Variants in SUCLG2 observed in about 807,000 individuals in gnomAD.
SUCLG2 encodes the protein succinate--CoA ligase [GDP-forming] subunit beta, mitochondrial.
A neutral mutation model predicts 47.9 loss-of-function variants in SUCLG2; 42 were observed. The ratio of observed to expected loss-of-function variants is 0.88; its 90% CI spans 0.69 to 1.14. SUCLG2 has a LOEUF of 1.14. SUCLG2 is among the 50% of genes most tolerant of loss of function. The probability of loss-of-function intolerance (pLI) is 0.00; values close to 1 mark genes in which losing one functional copy is unlikely to be tolerated. For missense variants in SUCLG2, 571 were observed against 525.9 expected, an observed-to-expected ratio of 1.09 and a Z score of -0.84; for synonymous variants, 195 against 197.3, an observed-to-expected ratio of 0.99 and a Z score of 0.10.
At chr3:67,585,329 TC>T (rs1344336521) in intron 2 of SUCLG2, among the ~76,000 whole-genome samples, 1 of 152,036 alleles carries the variant, frequency 6.6e-6, no homozygotes, top group Non-Finnish European at 1.5e-5. Context: ...GCTCCAACTC[TC>T]TCTTAAATTA....
intron 9 of SUCLG2, among the ~76,000 whole-genome samples, chr3:67,466,685 C>T (rs186457148): frequency 6.6e-6 from 1 of 152,318 alleles, no homozygotes; most frequent in East Asian, 1.9e-4. Flanking sequence ...GGGTCTTGTT[C>T]TCCCTTTTCT....
intron 9 of SUCLG2, among the ~76,000 whole-genome samples, chr3:67,452,032 C>T (rs955207832): frequency 6.6e-6 from 1 of 152,072 alleles, no homozygotes; most frequent in East Asian, 1.9e-4. Flanking sequence ...TGTCAACTCC[C>T]TAGAATCATC....
At chr3:67,524,918 A>G (rs1706213964) in intron 4 of SUCLG2, among the ~76,000 whole-genome samples, 1 of 152,168 alleles carries the variant, frequency 6.6e-6, no homozygotes, top group Admixed American at 6.5e-5. Flanking sequence ...AGACAAATAA[A>G]TCTCCAGGCT....
intron 9 of SUCLG2, among the ~76,000 whole-genome samples, chr3:67,429,808 T>G (rs1703428669): frequency 6.6e-6 from 1 of 152,128 alleles, no homozygotes; most frequent in African/African-American, 2.4e-5. Context: ...TCCTAGTTTC[T>G]GATAAAACAG....
At chr3:67,403,495 G>A (rs952664182) in intron 9 of SUCLG2, among the ~76,000 whole-genome samples, 1 of 151,750 alleles carries the variant, frequency 6.6e-6, no homozygotes, top group Admixed American at 6.6e-5. Flanking sequence ...TTAAGTTTTG[G>A]GATATGGAGA....
chr3:67,547,825 A>AG (rs762146243), intron 2 of SUCLG2, among the ~76,000 whole-genome samples: 43 of 152,274 alleles, frequency 2.8e-4, no homozygotes, highest in Non-Finnish European at 5.7e-4. Context: ...TGCTACAGCA[A>AG]GGGGGATCCA....
chr3:67,387,044 T>C (rs147648678), intron 10 of SUCLG2, among the ~76,000 whole-genome samples: 416 of 152,310 alleles, frequency 2.7e-3, no homozygotes, highest in African/African-American at 9.4e-3. Context: ...TGAGACTGTC[T>C]GCCTCACATG....
chr3:67,603,428 G>C (rs1708463929), intron 2 of SUCLG2, among the ~76,000 whole-genome samples: 1 of 152,146 alleles, frequency 6.6e-6, no homozygotes, highest in Non-Finnish European at 1.5e-5. Context: ...CAGGCTTTAG[G>C]ATGTGATTAC....
intron 2 of SUCLG2, among the ~76,000 whole-genome samples, chr3:67,549,081 T>C (rs1706942160): frequency 6.6e-6 from 1 of 152,222 alleles, no homozygotes; most frequent in South Asian, 2.1e-4. Context: ...GTAATGATGT[T>C]GTGTAAGCTC....
At chr3:67,366,777 C>CT (rs1701882215) in intron 10 of SUCLG2, among the ~76,000 whole-genome samples, 1 of 152,118 alleles carries the variant, frequency 6.6e-6, no homozygotes, top group Admixed American at 6.6e-5. Context: ...CTGGAACATG[C>CT]TTTTTTGTAT....
chr3:67,412,395 TAAAC>T (rs1702948865), intron 9 of SUCLG2, among the ~76,000 whole-genome samples: 1 of 152,188 alleles, frequency 6.6e-6, no homozygotes, highest in African/African-American at 2.4e-5. Flanking sequence ...AGGCACATGT[TAAAC>T]AGACTATGAA....
rs995326749 is a variant in SUCLG2 at position 67,435,958 on chromosome 3, C to T, written c.1063-35107G>A. Among the ~76,000 whole-genome samples the T allele has an allele frequency of 3.9e-5, 6 of 152,106 alleles. No homozygotes were observed. In the East Asian group the frequency reaches 5.8e-4, roughly 15 times the overall value. On this transcript the variant is annotated intron_variant, in intron 9 of 10. Transcript: ENST00000307227. Reference sequence around the variant, plus strand: ...TGTGAGGAATAGTGTCTCCCAAAAGCGGTCCTGAAATTGTATTTGCTATCC... The same window carrying T: ...TGTGAGGAATAGTGTCTCCCAAAAGTGGTCCTGAAATTGTATTTGCTATCC...
At chr3:67,401,550 A>T (rs1396328048) in intron 9 of SUCLG2, among the ~76,000 whole-genome samples, 19 of 148,592 alleles carry the variant, frequency 1.3e-4, no homozygotes, top group Non-Finnish European at 2.5e-4. Flanking sequence ...GTTTGTACAT[A>T]TTCCATATTC....
intron 9 of SUCLG2, among the ~76,000 whole-genome samples, chr3:67,413,998 C>CA (rs781168344): frequency 1.3e-5 from 2 of 151,824 alleles, no homozygotes; most frequent in Non-Finnish European, 2.9e-5. Context: ...TGTGTCCTAT[C>CA]AAAAAAAAGC....
chr3:67,468,635 A>G (rs1704532429), intron 9 of SUCLG2, among the ~76,000 whole-genome samples: 2 of 152,192 alleles, frequency 1.3e-5, no homozygotes, highest in South Asian at 4.1e-4. Context: ...GATGCCAGGC[A>G]TATGAGGAAG....
In SUCLG2 at chr3:67,495,793, G is replaced by A. The variant is rs376098444; in HGVS notation, c.1062+5C>T. 6.8e-6 allele frequency: 11 copies of A among 1,613,238 alleles called. No individual in the cohort carries two copies. The African/African-American group carries it at 9.3e-5, about 14-fold the overall frequency. ...ATATAATCTCCCTACAAAGAGAAAG[G>A]TTACCTTAGGATCAGCTGTGAGCAA... On this transcript the variant is annotated splice_donor_5th_base_variant and intron_variant, in intron 9 of 10. Transcript: ENST00000307227.
At chr3:67,366,132 A>C (rs1466246767) in intron 10 of SUCLG2, among the ~76,000 whole-genome samples, 1 of 152,132 alleles carries the variant, frequency 6.6e-6, no homozygotes, top group Non-Finnish European at 1.5e-5. Context: ...TATGGGAAAA[A>C]TCTTGTTAAC....
At position 67,386,505 on chromosome 3, in the gene SUCLG2, A is replaced by T. The variant is rs902137832; in HGVS notation, c.1184-10646T>A. ...ATATCCAACACTGGGTAATTGATAA[A>T]GGAAAGGGGTTTAATTGACTCAAAG... On this transcript the variant is annotated intron_variant, in intron 10 of 10. Coordinates refer to ENST00000307227, the MANE Select transcript of SUCLG2 (RefSeq NM_003848.4). 2.0e-5 allele frequency among the ~76,000 whole-genome samples: 3 copies of T among 152,336 alleles called. No individual in the cohort carries two copies. The South Asian group carries it at 6.2e-4, about 32-fold the overall frequency.
chr3:67,640,811 C>G (rs1559608986), intron 1 of SUCLG2, among the ~76,000 whole-genome samples: 1 of 152,008 alleles, frequency 6.6e-6, no homozygotes, highest in Non-Finnish European at 1.5e-5. Flanking sequence ...GCTGATTGTT[C>G]TTAAATTTCA....
Sources: gnomAD v4.1 joint callset for allele counts (sites outside exome capture counted in the v4.1 genomes callset) on GRCh38, gnomAD v4.1.1 for gene constraint, MANE v1.5 for transcripts, NCBI Gene and HGNC (gene_info 2026-07-23, HGNC 2026-07-21) for gene names.